CUL2: variants seen among roughly 807,000 people sequenced by gnomAD.
CUL2 encodes the protein cullin-2.
CUL2 carries 22 observed loss-of-function variants against 110.2 expected under a neutral mutation model. The ratio of observed to expected loss-of-function variants is 0.20; its 90% CI spans 0.14 to 0.28. The LOEUF (loss-of-function observed/expected upper bound fraction) is 0.28, where lower values mean the gene tolerates loss of function less well. Among genes scored for constraint, CUL2 ranks in the 10% least tolerant of loss-of-function variants. The probability of loss-of-function intolerance (pLI) is 1.00; values close to 1 mark genes in which losing one functional copy is unlikely to be tolerated. For synonymous variants in CUL2, 279 were observed against 293.2 expected, an observed-to-expected ratio of 0.95 and a Z score of 0.49; for missense variants, 631 against 905.5, an observed-to-expected ratio of 0.70 and a Z score of 3.89.
intron 8 of CUL2, among the ~76,000 whole-genome samples, chr10:35,044,051 CAAAAAAAA>C (rs534515519): frequency 4.2e-4 from 37 of 87,816 alleles, no homozygotes; most frequent in Non-Finnish European, 3.9e-4. Context: ...ACCACATCTC[CAAAAAAAA>C]AAAAAAAAAA....
upstream of CUL2, among the ~76,000 whole-genome samples, chr10:35,094,393 G>A (rs1011240758): frequency 5.3e-5 from 8 of 152,174 alleles, no homozygotes; most frequent in Middle Eastern, 3.4e-3. Context: ...GTGCCACCAC[G>A]CCCAGCTAAT....
chr10:35,052,894 C>CAAAAAAAAAAAA (rs1017728475), intron 5 of CUL2, among the ~76,000 whole-genome samples: 1 of 68,824 alleles, frequency 1.5e-5, no homozygotes. Context: ...GACTCCGTCT[C>CAAAAAAAAAAAA]AAAAAAAAAA....
intron 17 of CUL2, among the ~76,000 whole-genome samples, chr10:35,018,430 C>T (rs556928872): frequency 1.3e-5 from 2 of 151,122 alleles, no homozygotes; most frequent in South Asian, 2.1e-4. Context: ...TAATTAGTAA[C>T]TCTGATTAAG....
chr10:35,076,325 G>T (rs1265227794), intron 1 of CUL2, among the ~76,000 whole-genome samples: 1 of 152,130 alleles, frequency 6.6e-6, no homozygotes, highest in Non-Finnish European at 1.5e-5. Flanking sequence ...AAAGTTGATT[G>T]TCATGATAGT....
chr10:35,066,528 G>A (rs2086530605), intron 2 of CUL2, among the ~76,000 whole-genome samples: 2 of 152,120 alleles, frequency 1.3e-5, no homozygotes, highest in South Asian at 4.1e-4. Flanking sequence ...TCAAACTCCT[G>A]ACCTCAGGTG....
intron 5 of CUL2, among the ~76,000 whole-genome samples, chr10:35,052,981 C>A (rs560069443): frequency 3.9e-4 from 58 of 147,802 alleles, no homozygotes; most frequent in Middle Eastern, 3.2e-3. Context: ...TCACAAAAAA[C>A]AAACTTATGT....
intron 2 of CUL2, chr10:35,099,730 G>A (rs1018109499): frequency 1.3e-5 from 2 of 152,098 alleles, no homozygotes; most frequent in African/African-American, 4.8e-5. Context: ...CTGGGCGACA[G>A]AGCAAGACTC....
At chr10:35,023,726 G>A (rs999913000) in intron 17 of CUL2, among the ~76,000 whole-genome samples, 2 of 149,478 alleles carry the variant, frequency 1.3e-5, no homozygotes, top group African/African-American at 2.5e-5. Flanking sequence ...AAGCTAAATC[G>A]AACTGCACTA....
intron 18 of CUL2, among the ~76,000 whole-genome samples, chr10:35,015,616 A>C (rs2085006885): frequency 6.6e-6 from 1 of 152,196 alleles, no homozygotes; most frequent in African/African-American, 2.4e-5. Flanking sequence ...ATATACTATG[A>C]CAACAAAACA....
intron 1 of CUL2, among the ~76,000 whole-genome samples, chr10:35,088,088 G>C (rs1352718602): frequency 6.6e-6 from 1 of 152,170 alleles, no homozygotes; most frequent in African/African-American, 2.4e-5. Flanking sequence ...AGTATCTGAA[G>C]TAATCTCCCA....
At chr10:35,079,593 T>C (rs1056111807) in intron 1 of CUL2, 3 of 152,886 alleles carry the variant, frequency 2.0e-5, no homozygotes, top group African/African-American at 7.2e-5. Flanking sequence ...AGATTGAGAT[T>C]TGACAGCAAA....
At chr10:35,064,749 T>C (rs1332136278) in intron 2 of CUL2, among the ~76,000 whole-genome samples, 1 of 152,192 alleles carries the variant, frequency 6.6e-6, no homozygotes, top group Non-Finnish European at 1.5e-5. Flanking sequence ...CACCATGTTG[T>C]CTAGGCTGGT....
In CUL2 at chr10:35,071,271, T is replaced by G; in HGVS notation, c.47A>C (p.Lys16Thr). 6.2e-7 allele frequency: 1 copy of G among 1,614,012 alleles called. No individual in the cohort carries two copies. Among genetic ancestry groups the G allele is most frequent in the Non-Finnish European group, 8.5e-7 (1 of 1,179,876 alleles). ...RVVDFDETWNKLLTTIKAVVM... is the reference protein window; with the variant it reads ...RVVDFDETWNTLLTTIKAVVM... ...CACGGCTTTTATTGTCGTCAAAAGT[T>G]TGTTCCATGTTTCATCAAAATCTAC... is the stretch of plus-strand genomic sequence containing the variant. Residue 16 changes from lysine (K) to threonine (T), a missense_variant, in exon 2 of 21, where the codon AAA (lysine) becomes ACA (threonine). By Grantham distance (78) the Lys-to-Thr change is moderately conservative. Transcript: ENST00000374749.
upstream of CUL2, among the ~76,000 whole-genome samples, chr10:35,090,932 C>T (rs1189057184): frequency 4.6e-5 from 7 of 152,198 alleles, no homozygotes; most frequent in Admixed American, 2.6e-4. Flanking sequence ...ATGGGCTTTG[C>T]AAATGATCAA....
intron 2 of CUL2, among the ~76,000 whole-genome samples, chr10:35,064,581 G>C (rs1015010528): frequency 1.3e-5 from 2 of 152,082 alleles, no homozygotes; most frequent in Non-Finnish European, 2.9e-5. Context: ...AATCTCACAT[G>C]CTCCATTTAC....
At position 35,038,273 on chromosome 10, in the gene CUL2, C is replaced by G. The variant is rs373861002; in HGVS notation, c.877+647G>C. On this transcript the variant is annotated intron_variant, in intron 9 of 20. Transcript: ENST00000374749. ...GGGCGCAGTGGCTCACGCCTGTAATCCCAGCACTTTGGGAGGCTGAGGCGG... is the reference window on the plus strand; with the variant it reads ...GGGCGCAGTGGCTCACGCCTGTAATGCCAGCACTTTGGGAGGCTGAGGCGG... Among the ~76,000 whole-genome samples, 96 of 151,868 alleles carry G rather than the reference C, an allele frequency of 6.3e-4. 1 individual carries two copies. The South Asian group carries it at 0.018, about 29-fold the overall frequency.
chr10:35,108,099 C>A (rs917381215), intron 1 of CUL2, among the ~76,000 whole-genome samples: 2 of 151,902 alleles, frequency 1.3e-5, no homozygotes, highest in African/African-American at 4.8e-5. Context: ...AATGGATTAA[C>A]AAGAGGCCAG....
chr10:35,021,862 G>GAGGT (rs1378806176), intron 17 of CUL2, among the ~76,000 whole-genome samples: 1 of 108,132 alleles, frequency 9.2e-6, no homozygotes, highest in Non-Finnish European at 2.1e-5. Context: ...GAGGTGAGGT[G>GAGGT]GGGTGGGGTG....
At chr10:35,064,614 C>A (rs774787446) in intron 2 of CUL2, among the ~76,000 whole-genome samples, 1 of 152,114 alleles carries the variant, frequency 6.6e-6, no homozygotes, top group Non-Finnish European at 1.5e-5. Context: ...CTCCAGAAAG[C>A]GCAAGCAGCC....
Sources: allele counts gnomAD v4.1 joint callset (sites outside exome capture counted in the v4.1 genomes callset), GRCh38; gene constraint gnomAD v4.1.1; transcripts MANE v1.5; gene names NCBI Gene and HGNC (gene_info 2026-07-23, HGNC 2026-07-21).